Variants in DAB1 observed in about 807,000 individuals in gnomAD.
DAB1 encodes the protein DAB adaptor protein 1, also known as disabled homolog 1.
Under a neutral mutation model 64.6 loss-of-function variants are expected in DAB1, and 15 were observed. The observed-to-expected ratio is 0.23, with a 90% CI of 0.16 to 0.36. DAB1 has a LOEUF of 0.36. DAB1 is among the 10% of genes least tolerant of loss of function. DAB1 has a pLI of 1.00. For synonymous variants in DAB1, 235 were observed against 251.9 expected (o/e 0.93, Z 0.64); for missense variants, 596 against 706.7 (o/e 0.84, Z 1.78).
At chr1:57,294,414 T>C (rs1391043373) in intron 1 of DAB1, among the ~76,000 whole-genome samples, 2 of 151,954 alleles carry the variant, frequency 1.3e-5, no homozygotes, top group Non-Finnish European at 2.9e-5. Context: ...TGTTTATTGA[T>C]GGGGTGGGGG....
chr1:57,399,364 G>A (rs372920689), intron 1 of DAB1, among the ~76,000 whole-genome samples: 128 of 152,324 alleles, frequency 8.4e-4, no homozygotes, highest in South Asian at 2.5e-3. Context: ...ATGGATGGAT[G>A]GATGGCATAG....
At chr1:57,132,931 T>A (rs1455978173) in intron 4 of DAB1, among the ~76,000 whole-genome samples, 1 of 152,124 alleles carries the variant, frequency 6.6e-6, no homozygotes, top group Non-Finnish European at 1.5e-5. Flanking sequence ...ATTTATAAAA[T>A]TTGGTATGCT....
chr1:57,757,438 A>C (rs1352827271), intron 6 of DAB1, among the ~76,000 whole-genome samples: 5 of 151,922 alleles, frequency 3.3e-5, no homozygotes, highest in Non-Finnish European at 7.4e-5. Flanking sequence ...CTCTCTGAAG[A>C]CTTAAAGGGT....
At chr1:57,478,108 T>G (rs906287202) in intron 7 of DAB1, among the ~76,000 whole-genome samples, 1 of 147,312 alleles carries the variant, frequency 6.8e-6, no homozygotes, top group Non-Finnish European at 1.5e-5. Context: ...TTTGTCCAAG[T>G]GTTCTCATTG....
intron 5 of DAB1, among the ~76,000 whole-genome samples, chr1:58,072,092 G>GGC (rs1553157711): frequency 2.5e-5 from 3 of 122,354 alleles, no homozygotes; most frequent in Non-Finnish European, 5.1e-5. Context: ...GGGTGGGGGG[G>GGC]GGTGGGTAGT....
At chr1:57,775,112 T>G (rs1649732902) in intron 6 of DAB1, among the ~76,000 whole-genome samples, 1 of 151,382 alleles carries the variant, frequency 6.6e-6, no homozygotes, top group Non-Finnish European at 1.5e-5. Flanking sequence ...TGGTGATGTC[T>G]CCTCTTTCCT....
intron 6 of DAB1, among the ~76,000 whole-genome samples, chr1:57,758,890 G>A (rs1648940141): frequency 6.6e-6 from 1 of 152,028 alleles, no homozygotes; most frequent in African/African-American, 2.4e-5. Flanking sequence ...TTATCCTTTT[G>A]ACATTTCTGT....
chr1:58,201,696 C>T (rs939181020), intron 4 of DAB1, among the ~76,000 whole-genome samples: 2 of 152,184 alleles, frequency 1.3e-5, no homozygotes, highest in Non-Finnish European at 2.9e-5. Flanking sequence ...GGCAGAATTC[C>T]ATGAGGACTT....
chr1:57,378,911 A>G (rs1171674533), intron 1 of DAB1, among the ~76,000 whole-genome samples: 1 of 152,140 alleles, frequency 6.6e-6, no homozygotes, highest in East Asian at 1.9e-4. Context: ...AACATTTCCT[A>G]CCTTTGATTA....
At chr1:57,986,043 C>T (rs1417974290) in intron 5 of DAB1, among the ~76,000 whole-genome samples, 1 of 152,168 alleles carries the variant, frequency 6.6e-6, no homozygotes, top group Non-Finnish European at 1.5e-5. Flanking sequence ...TGATCATACA[C>T]ATTTCTAGGC....
intron 3 of DAB1, among the ~76,000 whole-genome samples, chr1:58,382,675 T>C (rs1267577969): frequency 6.6e-6 from 1 of 152,230 alleles, no homozygotes; most frequent in Non-Finnish European, 1.5e-5. Context: ...TAAACTGCTA[T>C]AGACTTTAAA....
intron 9 of DAB1, among the ~76,000 whole-genome samples, chr1:57,032,134 A>G (rs995013584): frequency 1.3e-5 from 2 of 152,156 alleles, no homozygotes; most frequent in East Asian, 1.9e-4. Flanking sequence ...GCCTTTCCCA[A>G]AGAGAAATTC....
intron 4 of DAB1, among the ~76,000 whole-genome samples, chr1:58,317,392 A>G (rs537597052): frequency 6.6e-6 from 1 of 152,380 alleles, no homozygotes; most frequent in East Asian, 1.9e-4. Context: ...GGAGCTTGAA[A>G]AAGGGAGATT....
chr1:57,180,693 A>G (rs1662824167), intron 2 of DAB1, among the ~76,000 whole-genome samples: 1 of 152,034 alleles, frequency 6.6e-6, no homozygotes, highest in African/African-American at 2.4e-5. Context: ...AAACACACAC[A>G]CACACTTCTC....
chr1:58,187,939 C>T (rs1222550049), intron 4 of DAB1, among the ~76,000 whole-genome samples: 21 of 137,682 alleles, frequency 1.5e-4, no homozygotes, highest in African/African-American at 4.6e-4. Context: ...GACAGAGTCT[C>T]GCTCTTACAC....
At chr1:58,486,664 A>C (rs1009485951) in intron 3 of DAB1, among the ~76,000 whole-genome samples, 1 of 152,246 alleles carries the variant, frequency 6.6e-6, no homozygotes, top group Admixed American at 6.5e-5. Context: ...AGTTAAGTAC[A>C]TGAAGAAACT....
intron 9 of DAB1, among the ~76,000 whole-genome samples, chr1:57,040,814 T>C (rs934082886): frequency 6.6e-6 from 1 of 152,358 alleles, no homozygotes; most frequent in East Asian, 1.9e-4. Flanking sequence ...TGGCATCAGT[T>C]CAGTACTTTG....
At position 56,995,674 on chromosome 1, in the gene DAB1, T is replaced by C. The variant is rs1645589989; in HGVS notation, c.*2470A>G. 1 of 152,360 alleles carries C rather than the reference T, an allele frequency of 6.6e-6. No homozygotes were observed. 9.4% of individuals were successfully genotyped at this position (152,360 alleles called of 1,614,324 possible). On this transcript the variant is annotated 3_prime_UTR_variant, in exon 15 of 15. Coordinates refer to ENST00000371236, the MANE Select transcript of DAB1 (RefSeq NM_001365792.1). ...CCAAAGAATTGGTATAATGGTGTGA[T>C]ACTGCAAGACAAACTCAAGACAGCC...
intron 5 of DAB1, among the ~76,000 whole-genome samples, chr1:57,982,124 T>C (rs1398219670): frequency 6.6e-6 from 1 of 152,210 alleles, no homozygotes; most frequent in Non-Finnish European, 1.5e-5. Context: ...GGAAAATAGT[T>C]TGGCCCTTTC....
Sources: gnomAD v4.1 joint callset for allele counts (sites outside exome capture counted in the v4.1 genomes callset) on GRCh38, gnomAD v4.1.1 for gene constraint, MANE v1.5 for transcripts, NCBI Gene and HGNC (gene_info 2026-07-23, HGNC 2026-07-21) for gene names.